RABGEF1: variants seen among roughly 807,000 people sequenced by gnomAD.
RABGEF1 encodes the protein RAB guanine nucleotide exchange factor 1, also known as rab5 GDP/GTP exchange factor.
A neutral mutation model predicts 57.3 loss-of-function variants in RABGEF1; 26 were observed. That is an observed-to-expected ratio of 0.45 (90% CI 0.33 to 0.63). RABGEF1 has a LOEUF of 0.63. Ranked by LOEUF, RABGEF1 falls within the 20% of genes least tolerant of loss-of-function variation. The pLI is 0.02. For synonymous variants in RABGEF1, 185 were observed against 210.7 expected (o/e 0.88, Z 1.06); for missense variants, 464 against 607.6 (o/e 0.76, Z 2.48).
chr7:66,736,733 C>T (rs111331834), upstream of RABGEF1, among the ~76,000 whole-genome samples: 20 of 152,130 alleles, frequency 1.3e-4, no homozygotes, highest in African/African-American at 3.9e-4. Flanking sequence ...TGGTGGCTTG[C>T]GCCTGTAATC....
At chr7:66,666,402 C>T in the RABGEF1 span, 1 of 152,254 alleles carries the variant, frequency 6.6e-6, no homozygotes, top group African/African-American at 2.4e-5. Flanking sequence ...GAGACAGCCC[C>T]CTCTTAGCCT....
At chr7:66,708,976 C>G (rs1794462458) in intron 1 of RABGEF1, among the ~76,000 whole-genome samples, 2 of 151,496 alleles carry the variant, frequency 1.3e-5, no homozygotes, top group South Asian at 4.2e-4. Context: ...TTATGCCTCT[C>G]TACTTGATTC....
intron 4 of RABGEF1, among the ~76,000 whole-genome samples, chr7:66,785,094 G>A (rs1399264270): frequency 6.6e-6 from 1 of 152,024 alleles, no homozygotes; most frequent in Non-Finnish European, 1.5e-5. Flanking sequence ...ACTCAGATTT[G>A]GTATTTTTCT....
intron 1 of RABGEF1, 149 bp from the exon 2 acceptor site, chr7:66,771,734 C>T (rs1198968523): frequency 4.4e-6 from 2 of 459,342 alleles, no homozygotes; most frequent in Non-Finnish European, 7.4e-6. Flanking sequence ...TTCTTCCTTC[C>T]TCCTCTTTCT....
chr7:66,676,090 G>A, the RABGEF1 span, among the ~76,000 whole-genome samples: 1 of 152,064 alleles, frequency 6.6e-6, no homozygotes, highest in East Asian at 1.9e-4. Flanking sequence ...GGAGGCCGTG[G>A]CAGACAGATC....
chr7:66,673,993 G>A, the RABGEF1 span, among the ~76,000 whole-genome samples: 4 of 152,200 alleles, frequency 2.6e-5, 1 homozygote, highest in African/African-American at 9.6e-5. Flanking sequence ...CAGATATTAT[G>A]GTTAGGCATT....
At chr7:66,782,128 C>T (rs142739356) in intron 3 of RABGEF1, among the ~76,000 whole-genome samples, 1 of 152,320 alleles carries the variant, frequency 6.6e-6, no homozygotes, top group East Asian at 1.9e-4. Context: ...CCGATGTCAA[C>T]ACAATCTTTG....
At chr7:66,710,989 A>T (rs566868814) in intron 1 of RABGEF1, among the ~76,000 whole-genome samples, 3 of 151,924 alleles carry the variant, frequency 2.0e-5, no homozygotes, top group Admixed American at 6.6e-5. Context: ...CAAAAAAAAA[A>T]TAATAAAGGA....
chr7:66,655,662 G>C, the RABGEF1 span, among the ~76,000 whole-genome samples: 63 of 152,200 alleles, frequency 4.1e-4, no homozygotes, highest in African/African-American at 1.5e-3. Flanking sequence ...CAGCTATCGC[G>C]CAGCTTTAAC....
chr7:66,727,887 G>A (rs1412790279), intron 2 of RABGEF1, among the ~76,000 whole-genome samples: 3 of 152,172 alleles, frequency 2.0e-5, no homozygotes, highest in African/African-American at 4.8e-5. Context: ...GAACACACGC[G>A]TGGCTGCCTC....
intron 1 of RABGEF1, among the ~76,000 whole-genome samples, chr7:66,749,316 ACT>A (rs1441954847): frequency 1.3e-5 from 2 of 152,050 alleles, no homozygotes; most frequent in Non-Finnish European, 2.9e-5. Flanking sequence ...ATCCTTATTC[ACT>A]CTTACTCAGT....
intron 5 of RABGEF1, among the ~76,000 whole-genome samples, chr7:66,796,246 A>G (rs1235169084): frequency 6.6e-6 from 1 of 151,724 alleles, no homozygotes; most frequent in African/African-American, 2.4e-5. Flanking sequence ...TTTAAAAAAA[A>G]AAGAGCTTCA....
At chr7:66,683,018 G>C (rs1790024545) in intron 1 of RABGEF1, among the ~76,000 whole-genome samples, 1 of 152,164 alleles carries the variant, frequency 6.6e-6, no homozygotes, top group South Asian at 2.1e-4. Context: ...GGGCGTCCGT[G>C]GGCTCGTTTT....
chr7:66,795,513 T>C lies in RABGEF1; in HGVS notation c.516T>C (p.Asp172=), dbSNP rs1813819023. 3.1e-6 allele frequency: 5 copies of C among 1,607,058 alleles called. No individual in the cohort carries two copies. Among genetic ancestry groups the C allele is most frequent in the Middle Eastern group, 1.6e-4 (1 of 6,072 alleles). The change falls in exon 5 of 9, where the codon GAT becomes GAC. Residue 172 remains aspartate (D), a splice_region_variant and synonymous_variant. Transcript: ENST00000284957. ...GCCTCTTTGTCTCTCTGTTTCAGGA[T>C]CTAAGCATTGAAGAACAGTCAGAGT... is the stretch of plus-strand genomic sequence containing the variant. ...LFLEGMHYKR[D]LSIEEQSECA...
intron 1 of RABGEF1, among the ~76,000 whole-genome samples, chr7:66,686,574 CT>C (rs1255876218): frequency 6.6e-6 from 1 of 152,184 alleles, no homozygotes; most frequent in Non-Finnish European, 1.5e-5. Flanking sequence ...TTTCACATGG[CT>C]GAAGTGAGTT....
At chr7:66,740,948 C>T (rs1798773100) in intron 1 of RABGEF1, among the ~76,000 whole-genome samples, 156 bp downstream of exon 1, 1 of 152,128 alleles carries the variant, frequency 6.6e-6, no homozygotes, top group Non-Finnish European at 1.5e-5. Flanking sequence ...TGTCCTTCGT[C>T]CCACATTCCG....
chr7:66,691,418 A>T (rs1275718538), intron 1 of RABGEF1, among the ~76,000 whole-genome samples: 1 of 152,232 alleles, frequency 6.6e-6, no homozygotes, highest in Non-Finnish European at 1.5e-5. Context: ...TGGTATATCC[A>T]TATAGTGGGA....
intron 1 of RABGEF1, among the ~76,000 whole-genome samples, chr7:66,762,062 A>C (rs1455291327): frequency 2.0e-5 from 3 of 151,898 alleles, no homozygotes; most frequent in South Asian, 4.2e-4. Context: ...TCAAAAAAAA[A>C]CAAAAAAACA....
At chr7:66,690,480 C>T (rs1224870009) in intron 1 of RABGEF1, among the ~76,000 whole-genome samples, 1 of 150,190 alleles carries the variant, frequency 6.7e-6, no homozygotes, top group African/African-American at 2.4e-5. Context: ...TTTGGGAGGC[C>T]AAGGCAGGTG....
Sources: gnomAD v4.1 joint callset for allele counts (sites outside exome capture counted in the v4.1 genomes callset) on GRCh38, gnomAD v4.1.1 for gene constraint, MANE v1.5 for transcripts, NCBI Gene and HGNC (gene_info 2026-07-23, HGNC 2026-07-21) for gene names.